The following CASK variants were observed in gnomAD, a reference collection of about 807,000 sequenced individuals.
CASK encodes the protein peripheral plasma membrane protein CASK.
In CASK, 4 loss-of-function variants were observed where a neutral mutation model predicts 82.9. The ratio of observed to expected loss-of-function variants is 0.05; its 90% CI spans 0.02 to 0.11. CASK has a LOEUF of 0.11. Among genes scored for constraint, CASK ranks in the 10% least tolerant of loss-of-function variants. The pLI is 1.00. For missense variants in CASK, 358 were observed against 720.9 expected (o/e 0.50, Z 5.76); for synonymous variants, 259 against 253.5 (o/e 1.02, Z -0.20).
chrX:41,835,132 A>G (rs2070905085), intron 2 of CASK, among the ~76,000 whole-genome samples: 1 of 112,888 alleles, frequency 8.9e-6, no homozygotes, highest in Non-Finnish European at 1.9e-5. Flanking sequence ...ATAGGTAGCT[A>G]TTTGTATAGA....
At chrX:41,611,610 C>T (rs904631113) in intron 11 of CASK, among the ~76,000 whole-genome samples, 20 of 81,922 alleles carry the variant, frequency 2.4e-4, no homozygotes, top group South Asian at 6.0e-4. Flanking sequence ...TCTCCCTCTC[C>T]CTCTCCCTCT....
chrX:41,707,518 C>G lies in CASK; in HGVS notation c.429+31866G>C, dbSNP rs140149719. ...ATAAATGGTTCTTGTGTTAAGCCAC[C>G]AAGTCTAGGGGTAGTTAAGTATGCA... On this transcript the variant is annotated intron_variant, in intron 5 of 26. Transcript: ENST00000378163. Among the ~76,000 whole-genome samples the G allele has an allele frequency of 3.5e-3, 387 of 111,937 alleles. 2 individuals are homozygous for G. Among genetic ancestry groups the G allele is most frequent in the African/African-American group, 0.012 (369 of 30,787 alleles).
At chrX:41,689,706 C>T (rs2067507540) in intron 5 of CASK, 1 of 111,516 alleles carries the variant, frequency 9.0e-6, no homozygotes, top group Admixed American at 9.6e-5. Context: ...GTATTATTTC[C>T]AAAGTAATAT....
At chrX:41,749,564 T>C (rs1232573035) in intron 3 of CASK, among the ~76,000 whole-genome samples, 1 of 105,402 alleles carries the variant, frequency 9.5e-6, no homozygotes. Context: ...TTTTGTATTT[T>C]TTTGTAGAGA....
At chrX:41,797,145 TG>T (rs201975592) in intron 2 of CASK, among the ~76,000 whole-genome samples, 1,053 of 92,931 alleles carry the variant, frequency 0.011, 14 homozygotes, top group African/African-American at 0.038. Context: ...ATTTAGCTCT[TG>T]TTTTTTTTTT....
intron 24 of CASK, among the ~76,000 whole-genome samples, chrX:41,532,443 A>G (rs936235302): frequency 8.9e-6 from 1 of 112,070 alleles, no homozygotes; most frequent in Non-Finnish European, 1.9e-5. Context: ...TAACTGAAGT[A>G]TATGCCAATA....
rs181164181 is a variant in CASK at position 41,892,109 on chromosome X, T to C, written c.59+30821A>G. On this transcript the variant is annotated intron_variant, in intron 1 of 26. Transcript: ENST00000378163. ...TTGAGAAGCTGAGATGGGAGGATCATTTGAGCCCAGGAGGTTGAGGCTGCA... is the reference window on the plus strand; with the variant it reads ...TTGAGAAGCTGAGATGGGAGGATCACTTGAGCCCAGGAGGTTGAGGCTGCA... Among the ~76,000 whole-genome samples the C allele has an allele frequency of 1.3e-3, 144 of 110,522 alleles. 2 individuals are homozygous for C. Among genetic ancestry groups the C allele is most frequent in the African/African-American group, 4.6e-3 (139 of 30,343 alleles).
chrX:41,702,252 G>GCA (rs1209310406), intron 5 of CASK, among the ~76,000 whole-genome samples: 3 of 110,553 alleles, frequency 2.7e-5, no homozygotes, highest in Non-Finnish European at 1.9e-5. Context: ...AGGCGTGGTG[G>GCA]CGCATGCCTG....
intron 8 of CASK, among the ~76,000 whole-genome samples, chrX:41,653,539 A>T (rs1449557233): frequency 8.9e-6 from 1 of 111,886 alleles, no homozygotes; most frequent in Non-Finnish European, 1.9e-5. Flanking sequence ...CCAAGCTCAG[A>T]TTTCAGTCTA....
chrX:41,758,737 T>C (rs1175349175), intron 3 of CASK, among the ~76,000 whole-genome samples: 1 of 112,305 alleles, frequency 8.9e-6, no homozygotes, highest in Non-Finnish European at 1.9e-5. Context: ...TTTTTCAATA[T>C]GAATGGTGCT....
At position 41,902,339 on chromosome X, in the gene CASK, A is replaced by T. The variant is rs147926395; in HGVS notation, c.59+20591T>A. 2.1e-3 allele frequency among the ~76,000 whole-genome samples: 231 copies of T among 111,307 alleles called. 1 individual carries two copies. Among genetic ancestry groups the T allele is most frequent in the African/African-American group, 7.2e-3 (222 of 30,644 alleles). The stretch of plus-strand genomic sequence containing the variant: ...ATCAAGATGTTGGCTTCAGGGGAGA[A>T]GCTTTTCCATGTTCTTGAAGCTGCC... On this transcript the variant is annotated intron_variant, in intron 1 of 26. Transcript: ENST00000378163.
At chrX:41,744,991 T>G (rs1174118974) in intron 4 of CASK, among the ~76,000 whole-genome samples, 1 of 111,926 alleles carries the variant, frequency 8.9e-6, no homozygotes, top group Non-Finnish European at 1.9e-5. Flanking sequence ...AATGTAAGCC[T>G]GTATTATAAA....
chrX:41,699,536 T>C (rs1462507174), intron 5 of CASK, among the ~76,000 whole-genome samples: 1 of 110,903 alleles, frequency 9.0e-6, no homozygotes, highest in East Asian at 2.8e-4. Flanking sequence ...ACATATCTCA[T>C]TGTATACAGT....
chrX:41,741,938 C>G (rs969065724), intron 4 of CASK, among the ~76,000 whole-genome samples: 4 of 111,708 alleles, frequency 3.6e-5, no homozygotes, highest in African/African-American at 1.3e-4. Context: ...GATAATAACT[C>G]CATGGAAGGA....
rs926179354 is a variant in CASK at position 41,626,332 on chromosome X, T to C, written c.1015+272A>G. Among the ~76,000 whole-genome samples, 23 of 110,491 alleles carry C rather than the reference T, an allele frequency of 2.1e-4. 1 individual carries two copies. In the Admixed American group the frequency reaches 2.2e-3, roughly 11 times the overall value. On this transcript the variant is annotated intron_variant, in intron 10 of 26. Coordinates refer to ENST00000378163, the MANE Select transcript of CASK (RefSeq NM_001367721.1). The stretch of plus-strand genomic sequence containing the variant: ...TGTTGGATTGGATGGAGTGCAATGC[T>C]GGGTCTAGAGTGTGGAAAGGGGAAG...
intron 14 of CASK, among the ~76,000 whole-genome samples, chrX:41,579,759 G>A (rs1441498554): frequency 9.0e-6 from 1 of 110,795 alleles, no homozygotes; most frequent in Non-Finnish European, 1.9e-5. Flanking sequence ...CTGAAATTAA[G>A]TTATTTTATT....
At chrX:41,805,962 A>G (rs1052268964) in intron 2 of CASK, among the ~76,000 whole-genome samples, 9 of 111,753 alleles carry the variant, frequency 8.1e-5, no homozygotes, top group South Asian at 3.8e-4. Context: ...GCTGCTTTCA[A>G]TAAGTCTAGG....
chrX:41,865,595 T>C (rs989143751), intron 1 of CASK, among the ~76,000 whole-genome samples: 3 of 111,617 alleles, frequency 2.7e-5, no homozygotes, highest in African/African-American at 9.8e-5. Context: ...AGATATTTTG[T>C]GGTGCTTGCT....
At chrX:41,893,456 T>G (rs1183611826) in intron 1 of CASK, among the ~76,000 whole-genome samples, 2 of 112,189 alleles carry the variant, frequency 1.8e-5, no homozygotes, top group African/African-American at 6.5e-5. Flanking sequence ...ATAGAAAGCT[T>G]AAAGCTCTGA....
Sources: allele counts gnomAD v4.1 joint callset (sites outside exome capture counted in the v4.1 genomes callset), GRCh38; gene constraint gnomAD v4.1.1; transcripts MANE v1.5; gene names NCBI Gene and HGNC (gene_info 2026-07-23, HGNC 2026-07-21).